Variants in LRRC7 observed in about 807,000 individuals in gnomAD.
The protein encoded by LRRC7 is leucine rich repeat containing 7, also known as leucine-rich repeat-containing protein 7.
In LRRC7, 23 loss-of-function variants were observed where a neutral mutation model predicts 175.7. The observed-to-expected ratio is 0.13, with a 90% CI of 0.09 to 0.19. The LOEUF (loss-of-function observed/expected upper bound fraction) is 0.19, where lower values mean the gene tolerates loss of function less well. Among genes scored for constraint, LRRC7 ranks in the 10% least tolerant of loss-of-function variants. The probability of loss-of-function intolerance (pLI) is 1.00; values close to 1 mark genes in which losing one functional copy is unlikely to be tolerated. For missense variants in LRRC7, 1,354 were observed against 1,904.7 expected (o/e 0.71, Z 5.38); for synonymous variants, 685 against 680.9 (o/e 1.01, Z -0.09).
At chr1:69,739,534 A>T (rs1668481996) in intron 2 of LRRC7, among the ~76,000 whole-genome samples, 1 of 152,054 alleles carries the variant, frequency 6.6e-6, no homozygotes, top group Admixed American at 6.6e-5. Context: ...AACATCAAAG[A>T]GCAAAAGATT....
Position 70,038,286 on chromosome 1 carries a change from A to G in LRRC7, c.2462A>G (p.Glu821Gly). ...HYDNTGFVAE[E>G]TTAENANSNP... ...GACAACACAGGGTTTGTTGCTGAGG[A>G]AACCACAGCCGAGAATGCCAACAGT... Residue 821 changes from glutamate to glycine, a missense_variant, in exon 21 of 27, where the codon GAA (glutamate) becomes GGA (glycine). By Grantham distance (98) the Glu-to-Gly change is moderately conservative (BLOSUM62 -2). Transcript: ENST00000651989. The G allele has an allele frequency of 6.2e-7, 1 of 1,614,146 alleles. No individual in the cohort carries two copies. The highest frequency in any genetic ancestry group is 8.5e-7 in the Non-Finnish European group (1 of 1,180,008).
At chr1:69,842,051 G>C (rs1462769728) in intron 7 of LRRC7, among the ~76,000 whole-genome samples, 2 of 151,770 alleles carry the variant, frequency 1.3e-5, no homozygotes, top group African/African-American at 4.8e-5. Context: ...ATGACAGGGA[G>C]AAAAATAACT....
chr1:69,820,184 G>A (rs1220681476), intron 4 of LRRC7, among the ~76,000 whole-genome samples: 1 of 151,652 alleles, frequency 6.6e-6, no homozygotes. Flanking sequence ...TATCTTCTGT[G>A]TATCTACTAT....
chr1:69,764,440 G>A (rs923276838), intron 3 of LRRC7, among the ~76,000 whole-genome samples: 6 of 151,830 alleles, frequency 4.0e-5, no homozygotes, highest in African/African-American at 1.4e-4. Context: ...GAGTGAATTT[G>A]GTAGATGAAA....
rs139938711 is a variant in LRRC7, at chr1:70,088,265, G to A, written c.4453-1462G>A. Among the ~76,000 whole-genome samples, 237 of 152,216 alleles carry A rather than the reference G, an allele frequency of 1.6e-3. 2 individuals are homozygous for A. Among genetic ancestry groups the A allele is most frequent in the Non-Finnish European group, 2.2e-3 (150 of 68,006 alleles). ...CCTAATACTTACTCTGTACTTAAAA[G>A]TTGTAAAAGAGTTGGGCACAGTGGC... On this transcript the variant is annotated intron_variant, in intron 24 of 26. Coordinates refer to ENST00000651989, the MANE Select transcript of LRRC7 (RefSeq NM_001370785.2).
intron 4 of LRRC7, among the ~76,000 whole-genome samples, chr1:69,802,918 T>C (rs553861241): frequency 6.6e-6 from 1 of 151,582 alleles, no homozygotes; most frequent in African/African-American, 2.4e-5. Flanking sequence ...GTTTTTCTTT[T>C]CACATTTGGA....
In LRRC7 at chr1:70,124,214, G is replaced by GAACAGGCAGGTAATAATGAA. The variant is rs1666342059; in HGVS notation, c.*2338_*2357dup. Among the ~76,000 whole-genome samples, 1 of 152,184 alleles carries GAACAGGCAGGTAATAATGAA rather than the reference G, an allele frequency of 6.6e-6. No individual in the cohort carries two copies. On this transcript the variant is annotated 3_prime_UTR_variant, in exon 27 of 27. Coordinates refer to ENST00000651989, the MANE Select transcript of LRRC7 (RefSeq NM_001370785.2). ...ATAGTACTGCCATGTTGCATACTGA[G>GAACAGGCAGGTAATAATGAA]AACAGGCAGGTAATAATGAAAACAG...
chr1:70,062,910 T>C (rs1296101666), intron 23 of LRRC7, among the ~76,000 whole-genome samples: 1 of 150,508 alleles, frequency 6.6e-6, no homozygotes, highest in Non-Finnish European at 1.5e-5. Context: ...AAAATGTGAA[T>C]GGAAAAAAAA....
rs1413297540 is a variant in LRRC7, at chr1:69,874,338, A to G, written c.647+36055A>G. ...TAACATTTTATACATACAATTTAGA[A>G]GTAGGATATATTTCATATTGAAATT... On this transcript the variant is annotated intron_variant, in intron 7 of 26. Coordinates refer to ENST00000651989, the MANE Select transcript of LRRC7 (RefSeq NM_001370785.2). 3.3e-5 allele frequency: 5 copies of G among 152,170 alleles called. No homozygotes were observed. The East Asian group carries it at 9.6e-4, about 29-fold the overall frequency. 9.4% of individuals were successfully genotyped at this position (152,170 alleles called of 1,614,324 possible).
chr1:69,568,172 G>A lies in LRRC7; in HGVS notation c.-468G>A, dbSNP rs564354462. The stretch of plus-strand genomic sequence containing the variant: ...ACAGGCGCGGCAACGGGCAGGGGTT[G>A]TTACGGAGTTGGGTGCAGGATTCGC... On this transcript the variant is annotated 5_prime_UTR_variant, in exon 1 of 27. Coordinates refer to ENST00000651989, the MANE Select transcript of LRRC7 (RefSeq NM_001370785.2). Among the ~76,000 whole-genome samples, 2 of 152,112 alleles carry A rather than the reference G, an allele frequency of 1.3e-5. No homozygotes were observed. The highest frequency in any genetic ancestry group is 4.8e-5 in the African/African-American group (2 of 41,434).
intron 1 of LRRC7, among the ~76,000 whole-genome samples, chr1:69,672,475 T>C (rs1659218993): frequency 1.3e-5 from 2 of 152,314 alleles, no homozygotes; most frequent in South Asian, 4.1e-4. Flanking sequence ...TTATTCTATG[T>C]GTGATCCTAA....
At chr1:69,596,625 A>G (rs1646857738) in intron 1 of LRRC7, among the ~76,000 whole-genome samples, 1 of 152,238 alleles carries the variant, frequency 6.6e-6, no homozygotes, top group Admixed American at 6.5e-5. Context: ...CTTTCAAGTG[A>G]ACTGGAAGTC....
chr1:69,864,329 A>G (rs932694659), intron 7 of LRRC7, among the ~76,000 whole-genome samples: 3 of 152,230 alleles, frequency 2.0e-5, no homozygotes, highest in Non-Finnish European at 2.9e-5. Context: ...GTAGAATAAA[A>G]TAGTTGGAAG....
intron 7 of LRRC7, among the ~76,000 whole-genome samples, chr1:69,879,330 AAAAATTTCCAGGCCT>A (rs1686365512): frequency 1.3e-5 from 2 of 152,156 alleles, no homozygotes; most frequent in Admixed American, 1.3e-4. Context: ...GAAATCTGAC[AAAAATTTCCAGGCCT>A]AATGTCATGA....
intron 26 of LRRC7, among the ~76,000 whole-genome samples, chr1:70,117,554 T>A (rs1362517391): frequency 6.6e-6 from 1 of 152,180 alleles, no homozygotes; most frequent in Non-Finnish European, 1.5e-5. Flanking sequence ...AAACATTTTG[T>A]GGCACAGAAG....
At chr1:69,914,812 G>A (rs568693667) in intron 7 of LRRC7, among the ~76,000 whole-genome samples, 2 of 152,166 alleles carry the variant, frequency 1.3e-5, no homozygotes, top group East Asian at 1.9e-4. Context: ...TTAACATATC[G>A]TGTAATATAA....
intron 1 of LRRC7, among the ~76,000 whole-genome samples, chr1:69,580,406 AAATTTTAT>A (rs1646148019): frequency 6.6e-6 from 1 of 152,186 alleles, no homozygotes; most frequent in Non-Finnish European, 1.5e-5. Flanking sequence ...CTATTTGAGA[AAATTTTAT>A]AAGTCTTAAG....
intron 7 of LRRC7, among the ~76,000 whole-genome samples, chr1:69,900,822 C>A (rs567281146): frequency 7.2e-5 from 11 of 152,194 alleles, no homozygotes; most frequent in African/African-American, 2.6e-4. Context: ...CTGAGGAGTC[C>A]TCTGAGATGT....
intron 7 of LRRC7, among the ~76,000 whole-genome samples, chr1:69,878,356 A>G (rs1686240361): frequency 6.6e-6 from 1 of 152,074 alleles, no homozygotes; most frequent in Admixed American, 6.6e-5. Flanking sequence ...GCAAAAGTGC[A>G]TCTAGAACAA....
Sources: gnomAD v4.1 joint callset for allele counts (sites outside exome capture counted in the v4.1 genomes callset) on GRCh38, gnomAD v4.1.1 for gene constraint, MANE v1.5 for transcripts, NCBI Gene and HGNC (gene_info 2026-07-23, HGNC 2026-07-21) for gene names.